Variants in DGKH observed in about 807,000 individuals in gnomAD.
The protein encoded by DGKH is diacylglycerol kinase eta, also known as DAG kinase eta.
Under a neutral mutation model 159.3 loss-of-function variants are expected in DGKH, and 90 were observed. The ratio of observed to expected loss-of-function variants is 0.57; its 90% CI spans 0.48 to 0.67. The LOEUF (loss-of-function observed/expected upper bound fraction) is 0.67, where lower values mean the gene tolerates loss of function less well. Among genes scored for constraint, DGKH ranks in the 30% least tolerant of loss-of-function variants. DGKH has a pLI of 0.00. For missense variants in DGKH, 1,181 were observed against 1,506.1 expected, an observed-to-expected ratio of 0.78 and a Z score of 3.57; for synonymous variants, 536 against 553.8, an observed-to-expected ratio of 0.97 and a Z score of 0.45.
At chr13:42,126,636 T>C (rs1458353373) in intron 1 of DGKH, among the ~76,000 whole-genome samples, 1 of 152,200 alleles carries the variant, frequency 6.6e-6, no homozygotes, top group Non-Finnish European at 1.5e-5. Context: ...TGCATCTCCC[T>C]CTGCTCCCTC....
intron 7 of DGKH, among the ~76,000 whole-genome samples, chr13:42,164,886 T>C (rs1956274332): frequency 6.6e-6 from 1 of 152,182 alleles, no homozygotes; most frequent in African/African-American, 2.4e-5. Flanking sequence ...TTTATAGATT[T>C]TATCTTTGTT....
Position 42,166,689 on chromosome 13 carries a change from A to G in DGKH, c.1118+15A>G. 6.4e-7 allele frequency: 1 copy of G among 1,562,202 alleles called. No individual in the cohort carries two copies. The highest frequency in any genetic ancestry group is 8.6e-7 in the Non-Finnish European group (1 of 1,157,000). ...CCTCATTTAGGGTAACTGATTATTG[A>G]TAAATCTTATTTGAATACAATGTAG... On this transcript the variant is annotated intron_variant, in intron 9 of 29. Coordinates refer to ENST00000337343, the MANE Select transcript of DGKH (RefSeq NM_178009.5).
At position 42,256,572 on chromosome 13, in the gene DGKH, A is replaced by G. The variant is rs573240315; in HGVS notation, n.4416A>G. The G allele has an allele frequency of 6.0e-6, 4 of 666,852 alleles. No individual in the cohort carries two copies. In the South Asian group the frequency reaches 6.8e-5, roughly 11 times the overall value. The allele number at this position is 666,852 out of a possible 1,614,324, so 41.3% of individuals were successfully genotyped here. A position where few individuals can be genotyped will look rare whatever the true frequency, so the allele number is the denominator to read the frequency against. Reference sequence around the variant, plus strand: ...TATAATGAAAATAAACGTGTATATAATTTTTTAAAAAACTGATAAATCTGA... The same window carrying G: ...TATAATGAAAATAAACGTGTATATAGTTTTTTAAAAAACTGATAAATCTGA... On this transcript the variant is annotated non_coding_transcript_exon_variant, in exon 31 of 31. Transcript: ENST00000498255.
intron 29 of DGKH, among the ~76,000 whole-genome samples, chr13:42,249,170 T>A (rs1028415268): frequency 6.6e-6 from 1 of 152,104 alleles, no homozygotes; most frequent in Non-Finnish European, 1.5e-5. Flanking sequence ...GCCCAGGAGT[T>A]CCAGACCAGC....
chr13:42,247,311 A>T (rs1056918656), downstream of DGKH, among the ~76,000 whole-genome samples: 1 of 149,730 alleles, frequency 6.7e-6, no homozygotes, highest in Non-Finnish European at 1.5e-5. Flanking sequence ...ACTCACGGCA[A>T]CCTGTGCCTC....
At chr13:42,107,011 T>C (rs756439413) in intron 1 of DGKH, among the ~76,000 whole-genome samples, 32 of 152,100 alleles carry the variant, frequency 2.1e-4, no homozygotes, top group Non-Finnish European at 4.1e-4. Flanking sequence ...ACCACTGCAC[T>C]CCAGCCTGGG....
intron 1 of DGKH, among the ~76,000 whole-genome samples, chr13:42,110,770 A>C (rs868191903): frequency 6.6e-6 from 1 of 152,242 alleles, no homozygotes; most frequent in Non-Finnish European, 1.5e-5. Context: ...GTGGTAATGC[A>C]TGGTAGTTCA....
chr13:42,096,520 T>C (rs1954540269), intron 1 of DGKH, among the ~76,000 whole-genome samples: 1 of 152,234 alleles, frequency 6.6e-6, no homozygotes, highest in South Asian at 2.1e-4. Context: ...TTCCATGTTT[T>C]TGCCATATGA....
At chr13:42,168,351 T>C (rs1198518723) in intron 9 of DGKH, 89 bp from the exon 10 acceptor site, 2 of 1,102,672 alleles carry the variant, frequency 1.8e-6, no homozygotes, top group Non-Finnish European at 2.6e-6. Flanking sequence ...ATATTTAATC[T>C]GAATATGAAT....
At chr13:42,213,960 G>C (rs113069218) in intron 24 of DGKH, among the ~76,000 whole-genome samples, 1 of 152,144 alleles carries the variant, frequency 6.6e-6, no homozygotes, top group Non-Finnish European at 1.5e-5. Context: ...CTGGCTCTAC[G>C]ATTTACTGGC....
intron 3 of DGKH, among the ~76,000 whole-genome samples, chr13:42,133,857 T>A (rs958754852): frequency 5.3e-5 from 8 of 152,208 alleles, no homozygotes; most frequent in Non-Finnish European, 1.2e-4. Context: ...CAACCAGTAA[T>A]TGACAAACCT....
chr13:42,107,667 G>T (rs765133532), intron 1 of DGKH, among the ~76,000 whole-genome samples: 2 of 152,092 alleles, frequency 1.3e-5, no homozygotes, highest in African/African-American at 4.8e-5. Context: ...TGGGACTGTG[G>T]TGTTCAGTTG....
intron 1 of DGKH, among the ~76,000 whole-genome samples, chr13:42,099,825 G>T (rs1294885724): frequency 1.3e-5 from 2 of 152,128 alleles, no homozygotes; most frequent in Admixed American, 1.3e-4. Flanking sequence ...CCCTAAGCTG[G>T]GGTTGAAGGA....
intron 1 of DGKH, among the ~76,000 whole-genome samples, chr13:42,103,011 A>T (rs1253021215): frequency 6.6e-6 from 1 of 152,192 alleles, no homozygotes; most frequent in Non-Finnish European, 1.5e-5. Context: ...GTGAATAATA[A>T]CCTGCAAGAG....
chr13:42,167,978 G>T (rs547921795), intron 9 of DGKH, among the ~76,000 whole-genome samples: 24 of 152,280 alleles, frequency 1.6e-4, no homozygotes, highest in African/African-American at 5.5e-4. Context: ...AGAAGAGGAG[G>T]AGAAAAAGCC....
chr13:42,097,475 T>A (rs761253758), intron 1 of DGKH, among the ~76,000 whole-genome samples: 4 of 152,204 alleles, frequency 2.6e-5, no homozygotes, highest in Non-Finnish European at 5.9e-5. Context: ...ACCCCTGTTA[T>A]CAGCATTTTT....
At chr13:42,180,994 C>T (rs1160666637) in intron 13 of DGKH, among the ~76,000 whole-genome samples, 1 of 152,004 alleles carries the variant, frequency 6.6e-6, no homozygotes, top group Non-Finnish European at 1.5e-5. Flanking sequence ...ATATCCTCTT[C>T]GGCCGGGCGC....
rs756240676 is a variant in DGKH at position 42,221,328 on chromosome 13, A to C, written c.3507A>C (p.Lys1169Asn). The C allele has an allele frequency of 2.0e-5, 32 of 1,613,724 alleles. No individual in the cohort carries two copies. Among genetic ancestry groups the C allele is most frequent in the South Asian group, 5.5e-5 (5 of 91,066 alleles). The change falls in exon 29 of 30, where the codon AAA becomes AAC. Residue 1169 changes from lysine (K) to asparagine (N), a missense_variant. Physicochemically the swap from Lys to Asn is moderately conservative, Grantham distance 94 (BLOSUM62 0). This residue lies in a region of DGKH where 84 missense variants were observed against 77.9 expected (regional missense o/e 1.08). Transcript: ENST00000337343. ...WLDLLNLGEY[K>N]DIFIRHDIRG... ...ATCTGCTCAATTTGGGAGAGTACAA[A>C]GATATCTTCATCCGTCATGACATCA...
chr13:42,054,359 C>T, intron 1 of DGKH, among the ~76,000 whole-genome samples: 1 of 152,172 alleles, frequency 6.6e-6, no homozygotes, highest in East Asian at 1.9e-4. Flanking sequence ...TAAAGTGATA[C>T]TGACAGCCTT....
Sources: gnomAD v4.1 joint callset for allele counts (sites outside exome capture counted in the v4.1 genomes callset) on GRCh38, gnomAD v4.1.1 for gene constraint, gnomAD v4.1.1 regional missense constraint, MANE v1.5 for transcripts, NCBI Gene and HGNC (gene_info 2026-07-23, HGNC 2026-07-21) for gene names.